The following IGF1R variants were observed in gnomAD, a reference collection of about 807,000 sequenced individuals.
IGF1R encodes insulin like growth factor 1 receptor, also known as insulin-like growth factor 1 receptor.
A neutral mutation model predicts 144.6 loss-of-function variants in IGF1R; 44 were observed. The ratio of observed to expected loss-of-function variants is 0.30; its 90% CI spans 0.24 to 0.39. The LOEUF (loss-of-function observed/expected upper bound fraction) is 0.39. Ranked by LOEUF, IGF1R falls within the 10% of genes least tolerant of loss-of-function variation. The pLI is 1.00. For synonymous variants in IGF1R, 795 were observed against 722.8 expected (o/e 1.10, Z -1.60); for missense variants, 1,355 against 1,833.7 (o/e 0.74, Z 4.77).
intron 13 of IGF1R, 39 bp from the exon 14 acceptor site, chr15:98,929,519 A>G (rs757457889): frequency 1.7e-5 from 25 of 1,471,746 alleles, no homozygotes; most frequent in Non-Finnish European, 2.3e-5. Context: ...CAAATTGTTC[A>G]CCTGGTGATA....
chr15:98,773,251 A>G (rs1249013059), intron 2 of IGF1R, among the ~76,000 whole-genome samples: 2 of 152,218 alleles, frequency 1.3e-5, no homozygotes, highest in Admixed American at 6.5e-5. Context: ...GGGGCTGTGT[A>G]AACCTCGAGG....
chr15:98,893,282 A>G (rs1214521710), intron 3 of IGF1R, among the ~76,000 whole-genome samples: 1 of 152,220 alleles, frequency 6.6e-6, no homozygotes, highest in Non-Finnish European at 1.5e-5. Flanking sequence ...CAAAGATAAT[A>G]CATTCTTTTA....
rs886051583 is a variant in IGF1R, at chr15:98,959,373, C to T, written c.*1931C>T. On this transcript the variant is annotated 3_prime_UTR_variant, in exon 21 of 21. Transcript: ENST00000650285. Reference sequence around the variant, plus strand: ...CAGGGCCTGTTGTGGCCCTCGCCACCCCCCTCACCGGACCGACTGACCTGT... The same window carrying T: ...CAGGGCCTGTTGTGGCCCTCGCCACTCCCCTCACCGGACCGACTGACCTGT... 1 of 233,626 alleles carries T rather than the reference C, an allele frequency of 4.3e-6. No homozygotes were observed. Among genetic ancestry groups the T allele is most frequent in the Non-Finnish European group, 8.5e-6 (1 of 118,066 alleles). The allele number at this position is 233,626 out of a possible 1,614,324, so 14.5% of individuals were successfully genotyped here.
chr15:98,873,244 T>G (rs1193827095), intron 2 of IGF1R, among the ~76,000 whole-genome samples: 2 of 152,202 alleles, frequency 1.3e-5, no homozygotes, highest in Non-Finnish European at 2.9e-5. Flanking sequence ...CATTTTCCAC[T>G]TTTTCCTATT....
intron 2 of IGF1R, among the ~76,000 whole-genome samples, chr15:98,889,515 T>A (rs1015292798): frequency 6.6e-6 from 1 of 152,250 alleles, no homozygotes; most frequent in African/African-American, 2.4e-5. Flanking sequence ...TATCTTATAA[T>A]TGGGGACAGG....
rs2151738413 is a variant in IGF1R, at chr15:98,957,294, G to C, written c.3956G>C (p.Arg1319Thr). The C allele has an allele frequency of 6.2e-7, 1 of 1,613,644 alleles. No individual in the cohort carries two copies. The highest frequency in any genetic ancestry group is 8.5e-7 in the Non-Finnish European group (1 of 1,179,676). Residue 1319 changes from arginine to threonine, a missense_variant, in exon 21 of 21, where the codon AGA (arginine) becomes ACA (threonine). Arg to Thr is a moderately conservative substitution (Grantham distance 71). Coordinates refer to ENST00000650285, the MANE Select transcript of IGF1R (RefSeq NM_000875.5). ...ASSSSLPLPD[R>T]HSGHKAENGP... ...TCGTCCTCCCTGCCACTGCCCGACA[G>C]ACACTCAGGACACAAGGCCGAGAAC...
intron 7 of IGF1R, 53 bp from the exon 8 acceptor site, chr15:98,912,991 G>C (rs1198459967): frequency 1.6e-6 from 2 of 1,252,744 alleles, no homozygotes; most frequent in Non-Finnish European, 2.4e-6. Flanking sequence ...GAAGATTTTT[G>C]AGGGTTTTGA....
At chr15:98,922,033 G>C (rs1170932687) in intron 10 of IGF1R, 115 bp from the exon 11 acceptor site, 2 of 1,095,764 alleles carry the variant, frequency 1.8e-6, no homozygotes, top group Non-Finnish European at 2.8e-6. Flanking sequence ...ACCTAAGGGG[G>C]CTCAATAGCT....
rs1030896415 is a variant in IGF1R at position 98,960,228 on chromosome 15, C to G, written c.*2786C>G. 1.3e-5 allele frequency: 3 copies of G among 233,570 alleles called. No individual in the cohort carries two copies. The highest frequency in any genetic ancestry group is 6.6e-5 in the African/African-American group (3 of 45,376). 14.5% of individuals were successfully genotyped at this position (233,570 alleles called of 1,614,324 possible). A position where few individuals can be genotyped will look rare whatever the true frequency, so the allele number is the denominator to read the frequency against. ...GCTGTATTCCGGGGTCAAAGCAACA[C>G]TAACTCACCTCTCTGCTCATTTCAG... On this transcript the variant is annotated 3_prime_UTR_variant, in exon 21 of 21. Coordinates refer to ENST00000650285, the MANE Select transcript of IGF1R (RefSeq NM_000875.5).
intron 2 of IGF1R, among the ~76,000 whole-genome samples, chr15:98,731,875 G>C (rs545479469): frequency 6.6e-6 from 1 of 152,322 alleles, no homozygotes; most frequent in East Asian, 1.9e-4. Flanking sequence ...GTGGTGGTTG[G>C]TGCTGCGTGT....
rs1472660592 is a variant in IGF1R at position 98,935,953 on chromosome 15, C to T, written c.3297+527C>T. Among the ~76,000 whole-genome samples the T allele has an allele frequency of 6.6e-6, 1 of 152,218 alleles. No individual in the cohort carries two copies. Among genetic ancestry groups the T allele is most frequent in the South Asian group, 2.1e-4 (1 of 4,828 alleles). On this transcript the variant is annotated intron_variant, in intron 17 of 20. Transcript: ENST00000650285. The surrounding 1 kb of genome is among the most constrained non-coding windows in gnomAD (Gnocchi z 4.2). ...GCCGCATTTGTGGCAGGCACTCTGT[C>T]AATAAATGTATGTTACAGTTCAAGG...
chr15:98,819,655 A>G (rs957202603), intron 2 of IGF1R, among the ~76,000 whole-genome samples: 3 of 152,216 alleles, frequency 2.0e-5, no homozygotes, highest in South Asian at 2.1e-4. Context: ...ACAAACGCCA[A>G]TAAGCTTTCG....
intron 2 of IGF1R, among the ~76,000 whole-genome samples, chr15:98,750,579 C>T (rs1169467677): frequency 6.6e-6 from 1 of 152,144 alleles, no homozygotes; most frequent in Admixed American, 6.5e-5. Context: ...ATCCCAGCTC[C>T]TCAGGAGGCT....
rs2017227300 is a variant in IGF1R at position 98,961,544 on chromosome 15, G to C, written c.*4102G>C. The stretch of plus-strand genomic sequence containing the variant: ...TTTCTCTGCCTCTTGATTTTTCTCT[G>C]TGTGTTCCAAATAATCTTAAGCTGA... On this transcript the variant is annotated 3_prime_UTR_variant, in exon 21 of 21. Transcript: ENST00000650285. The C allele has an allele frequency of 4.3e-6, 1 of 231,646 alleles. No homozygotes were observed. The highest frequency in any genetic ancestry group is 2.3e-5 in the African/African-American group (1 of 43,602). The allele number at this position is 231,646 out of a possible 1,614,324, so 14.3% of individuals were successfully genotyped here.
intron 2 of IGF1R, among the ~76,000 whole-genome samples, chr15:98,825,759 T>G (rs1380677855): frequency 2.0e-5 from 3 of 152,262 alleles, no homozygotes; most frequent in Non-Finnish European, 4.4e-5. Flanking sequence ...ATAGTTGTTA[T>G]CATGTATTAT....
At chr15:98,875,619 G>C (rs916476060) in intron 2 of IGF1R, among the ~76,000 whole-genome samples, 1 of 151,954 alleles carries the variant, frequency 6.6e-6, no homozygotes, top group African/African-American at 2.4e-5. Flanking sequence ...GCTTTCCACT[G>C]TAGAGCTGCC....
At chr15:98,927,983 TGCTCCTTA>T (rs765302332) in intron 13 of IGF1R, among the ~76,000 whole-genome samples, 1 of 152,202 alleles carries the variant, frequency 6.6e-6, no homozygotes, top group Non-Finnish European at 1.5e-5. Context: ...TTCTCTCCTT[TGCTCCTTA>T]GCTCAGTCAG....
At chr15:98,905,387 T>G (rs111630243) in intron 5 of IGF1R, among the ~76,000 whole-genome samples, 435 of 152,102 alleles carry the variant, frequency 2.9e-3, no homozygotes, top group Non-Finnish European at 5.1e-3. Context: ...TCAGGTGTGG[T>G]GGCTCACACC....
At chr15:98,791,508 A>G (rs186548550) in intron 2 of IGF1R, among the ~76,000 whole-genome samples, 3 of 152,332 alleles carry the variant, frequency 2.0e-5, no homozygotes, top group Non-Finnish European at 2.9e-5. Context: ...ACTGTGTCAG[A>G]GGAAGATTTT....
Sources: allele counts gnomAD v4.1 joint callset (sites outside exome capture counted in the v4.1 genomes callset), GRCh38; gene constraint gnomAD v4.1.1; non-coding constraint Gnocchi (gnomAD v3.1); transcripts MANE v1.5; gene names NCBI Gene and HGNC (gene_info 2026-07-23, HGNC 2026-07-21).